Variants in RELB observed in about 807,000 individuals in gnomAD.
RELB encodes RELB proto-oncogene, NF-kB subunit.
In RELB, 14 loss-of-function variants were observed where a neutral mutation model predicts 55.4. That is an observed-to-expected ratio of 0.25 (90% CI 0.17 to 0.40). The LOEUF (loss-of-function observed/expected upper bound fraction) is 0.40, where lower values mean the gene tolerates loss of function less well. Among genes scored for constraint, RELB ranks in the 10% least tolerant of loss-of-function variants. The pLI is 1.00. For missense variants in RELB, 669 were observed against 830.7 expected (o/e 0.81, Z 2.39); for synonymous variants, 409 against 371.3 (o/e 1.10, Z -1.17).
At chr19:45,014,787 G>A (rs1971402836) in intron 4 of RELB, among the ~76,000 whole-genome samples, 1 of 152,032 alleles carries the variant, frequency 6.6e-6, no homozygotes, top group Non-Finnish European at 1.5e-5. Flanking sequence ...CCAAAGTGCT[G>A]GGATTACAGG....
chr19:45,002,241 A>C (rs1019575665), intron 1 of RELB, among the ~76,000 whole-genome samples: 2 of 152,078 alleles, frequency 1.3e-5, no homozygotes, highest in African/African-American at 2.4e-5. Context: ...GGGGCCCGAC[A>C]CAGAGAATGA....
chr19:45,030,605 C>T (rs1394833174), intron 8 of RELB, among the ~76,000 whole-genome samples: 1 of 152,098 alleles, frequency 6.6e-6, no homozygotes, highest in Non-Finnish European at 1.5e-5. Flanking sequence ...GCACACCAGC[C>T]TGGGCAACAC....
chr19:45,011,852 C>T (rs1188914012), intron 3 of RELB, 84 bp from the exon 4 acceptor site: 5 of 651,344 alleles, frequency 7.7e-6, no homozygotes, highest in Non-Finnish European at 1.1e-5. Context: ...GGATGGAAAA[C>T]GTCTCGGGGG....
chr19:45,017,176 A>G (rs755021475), intron 4 of RELB, among the ~76,000 whole-genome samples: 3 of 152,114 alleles, frequency 2.0e-5, no homozygotes, highest in Admixed American at 1.3e-4. Context: ...AGTTCAGAGC[A>G]GGCTTCAGAA....
rs188796683 is a variant in RELB, at chr19:45,032,048, C to T, written c.992-486C>T. On this transcript the variant is annotated intron_variant, in intron 8 of 11. Transcript: ENST00000221452. ...GTCAGGAGAGCGAGACCATCCTGGC[C>T]AACGTGGTGAAACCCCGTCTCTATT... 1.9e-3 allele frequency among the ~76,000 whole-genome samples: 288 copies of T among 151,340 alleles called. 1 individual carries two copies. The highest frequency in any genetic ancestry group is 0.017 in the East Asian group (87 of 5,072).
intron 5 of RELB, among the ~76,000 whole-genome samples, chr19:45,022,546 TC>T (rs1161038853): frequency 2.8e-5 from 3 of 107,754 alleles, no homozygotes; most frequent in Non-Finnish European, 5.6e-5. Flanking sequence ...TTACAATTCA[TC>T]TTTTTTTTTT....
At chr19:45,003,913 G>GTTTTTTTTTTT (rs1346315548) in intron 2 of RELB, among the ~76,000 whole-genome samples, 1 of 52,686 alleles carries the variant, frequency 1.9e-5, no homozygotes, top group Admixed American at 2.4e-4. Context: ...TCTGTTTTTT[G>GTTTTTTTTTTT]TGTTTTTTTT....
At chr19:45,023,305 C>T (rs1412627140) in intron 5 of RELB, among the ~76,000 whole-genome samples, 1 of 152,020 alleles carries the variant, frequency 6.6e-6, no homozygotes, top group Non-Finnish European at 1.5e-5. Flanking sequence ...TCACCAGCAC[C>T]GAGTATTATG....
chr19:45,008,693 AGAG>A (rs935290110), intron 2 of RELB: 5 of 371,442 alleles, frequency 1.3e-5, no homozygotes, highest in African/African-American at 1.1e-4. Context: ...CCCTGAGAAC[AGAG>A]GAGGACAGAT....
chr19:45,008,585 G>A (rs533227383), intron 2 of RELB: 1 of 455,574 alleles, frequency 2.2e-6, no homozygotes, highest in East Asian at 6.9e-5. Context: ...CCAAATTGGG[G>A]GGACCTTGGC....
At position 45,037,919 on chromosome 19, in the gene RELB, C is replaced by A; in HGVS notation, c.*129C>A. On this transcript the variant is annotated 3_prime_UTR_variant, in exon 12 of 12. Transcript: ENST00000221452. ...TGCTTCTGAAGTGGACATATTCAGC[C>A]TTGGCGAGAAGCTCCGTTGCACGGG... 1 of 954,180 alleles carries A rather than the reference C, an allele frequency of 1.0e-6. No homozygotes were observed. Among genetic ancestry groups the A allele is most frequent in the Non-Finnish European group, 1.4e-6 (1 of 698,976 alleles). The allele number at this position is 954,180 out of a possible 1,614,324, so 59.1% of individuals were successfully genotyped here.
intron 3 of RELB, among the ~76,000 whole-genome samples, chr19:45,010,994 T>C (rs556018479): frequency 9.4e-4 from 143 of 152,244 alleles, no homozygotes; most frequent in Middle Eastern, 6.8e-3. Flanking sequence ...TAGCTGGAAC[T>C]GCAGGCACAC....
intron 4 of RELB, among the ~76,000 whole-genome samples, chr19:45,020,360 A>G (rs541298818): frequency 2.2e-4 from 34 of 151,270 alleles, no homozygotes; most frequent in African/African-American, 7.3e-4. Flanking sequence ...AGTAGCTGGG[A>G]TTATAGATGC....
At chr19:45,030,555 C>T (rs1279261299) in intron 8 of RELB, among the ~76,000 whole-genome samples, 1 of 152,048 alleles carries the variant, frequency 6.6e-6, no homozygotes, top group Admixed American at 6.6e-5. Context: ...TCACTTGAAC[C>T]TGGGAGGCAG....
intron 11 of RELB, 92 bp downstream of exon 11, chr19:45,034,620 A>G: frequency 9.4e-7 from 1 of 1,067,704 alleles, no homozygotes; most frequent in East Asian, 2.6e-5. Context: ...GCCCTCCAAG[A>G]GCAGCCACAA....
Position 45,037,872 on chromosome 19 carries a change from C to T in RELB, c.*82C>T. 7.4e-7 allele frequency: 1 copy of T among 1,358,400 alleles called. No homozygotes were observed. Among genetic ancestry groups the T allele is most frequent in the Non-Finnish European group, 9.7e-7 (1 of 1,030,120 alleles). 84.1% of individuals were successfully genotyped at this position (1,358,400 alleles called of 1,614,324 possible). ...ATCCCAACCAGGATGTCTAGCACCC[C>T]CATCCCCTTGGCCCTTCCTCATGCT... is the stretch of plus-strand genomic sequence containing the variant. On this transcript the variant is annotated 3_prime_UTR_variant, in exon 12 of 12. Transcript: ENST00000221452.
chr19:45,037,832 TG>T lies in RELB; in HGVS notation c.*44del. The stretch of plus-strand genomic sequence containing the variant: ...GAGGGGCACTGGGTGGGGAGGGAGG[TG>T]GAGGAGCCGTGCAATCCCAACCAGG... On this transcript the variant is annotated 3_prime_UTR_variant, in exon 12 of 12. Transcript: ENST00000221452. 1 of 1,467,938 alleles carries T rather than the reference TG, an allele frequency of 6.8e-7. No individual in the cohort carries two copies. Among genetic ancestry groups the T allele is most frequent in the Non-Finnish European group, 9.0e-7 (1 of 1,114,928 alleles). The allele number at this position is 1,467,938 out of a possible 1,614,324, so 90.9% of individuals were successfully genotyped here.
chr19:45,028,630 G>A (rs549253290), intron 7 of RELB, among the ~76,000 whole-genome samples: 2 of 152,076 alleles, frequency 1.3e-5, no homozygotes, highest in Non-Finnish European at 2.9e-5. Flanking sequence ...CACCATGCCC[G>A]GCAAAAGATC....
At chr19:45,015,780 C>T (rs2122427048) in intron 4 of RELB, among the ~76,000 whole-genome samples, 1 of 150,768 alleles carries the variant, frequency 6.6e-6, no homozygotes, top group Non-Finnish European at 1.5e-5. Flanking sequence ...AATGTTTTTT[C>T]CACAGTCCCA....
Sources: gnomAD v4.1 joint callset for allele counts (sites outside exome capture counted in the v4.1 genomes callset) on GRCh38, gnomAD v4.1.1 for gene constraint, MANE v1.5 for transcripts, NCBI Gene and HGNC (gene_info 2026-07-23, HGNC 2026-07-21) for gene names.